Variants in POU2AF2 observed in about 807,000 individuals in gnomAD.
POU2AF2 encodes POU class 2 homeobox associating factor 2, also known as POU domain class 2-associating factor 2.
At chr11:111,261,400 C>T in the POU2AF2 span, among the ~76,000 whole-genome samples, 1 of 152,038 alleles carries the variant, frequency 6.6e-6, no homozygotes, top group Admixed American at 6.6e-5. Flanking sequence ...ATTCAATAAC[C>T]TCTTTATTAT....
At chr11:111,273,727 A>G in the POU2AF2 span, among the ~76,000 whole-genome samples, 1 of 152,236 alleles carries the variant, frequency 6.6e-6, no homozygotes, top group East Asian at 1.9e-4. Flanking sequence ...ATGACTATAA[A>G]TGTACTCAAG....
chr11:111,253,193 A>T, the POU2AF2 span, among the ~76,000 whole-genome samples: 1 of 152,126 alleles, frequency 6.6e-6, no homozygotes, highest in Non-Finnish European at 1.5e-5. Context: ...ACTGTTCCCC[A>T]GGCTTCCATC....
the POU2AF2 span, among the ~76,000 whole-genome samples, chr11:111,269,616 C>T: frequency 6.6e-6 from 1 of 152,108 alleles, no homozygotes; most frequent in Non-Finnish European, 1.5e-5. Context: ...ACAGCCGTGG[C>T]AAGTCCATCT....
the POU2AF2 span, among the ~76,000 whole-genome samples, chr11:111,252,957 A>G: frequency 6.6e-6 from 1 of 152,160 alleles, no homozygotes; most frequent in African/African-American, 2.4e-5. Context: ...TATTCTTGGT[A>G]AGCTCAATGC....
the POU2AF2 span, among the ~76,000 whole-genome samples, chr11:111,255,812 C>T: frequency 6.6e-6 from 1 of 152,102 alleles, no homozygotes; most frequent in Admixed American, 6.6e-5. Flanking sequence ...TATCAAAGAT[C>T]AGGAGACACG....
chr11:111,268,496 TATTTTA>T, the POU2AF2 span, among the ~76,000 whole-genome samples: 1 of 61,980 alleles, frequency 1.6e-5, no homozygotes, highest in South Asian at 8.6e-4. Context: ...TATTTTATTT[TATTTTA>T]TTTTATTTTA....
the POU2AF2 span, among the ~76,000 whole-genome samples, chr11:111,267,151 G>C: frequency 2.6e-5 from 4 of 152,192 alleles, no homozygotes; most frequent in Admixed American, 2.6e-4. Context: ...CATCTTAGAA[G>C]ACACTGGACC....
At chr11:111,280,109 C>T in the POU2AF2 span, among the ~76,000 whole-genome samples, 1 of 146,304 alleles carries the variant, frequency 6.8e-6, no homozygotes, top group South Asian at 2.2e-4. Flanking sequence ...TAATGCAACC[C>T]ACCACATTCC....
At chr11:111,266,638 T>C in the POU2AF2 span, among the ~76,000 whole-genome samples, 1 of 152,198 alleles carries the variant, frequency 6.6e-6, no homozygotes, top group Non-Finnish European at 1.5e-5. Context: ...CTGGGATAAA[T>C]AGTAATGAAT....
chr11:111,250,932 C>T, the POU2AF2 span, among the ~76,000 whole-genome samples: 1 of 152,088 alleles, frequency 6.6e-6, no homozygotes, highest in Non-Finnish European at 1.5e-5. Context: ...GAGATGAAAC[C>T]CTGTTTCAGG....
chr11:111,246,207 G>A, the POU2AF2 span, among the ~76,000 whole-genome samples: 31 of 152,170 alleles, frequency 2.0e-4, 1 homozygote, highest in South Asian at 6.4e-3. Flanking sequence ...TTTTATTTTA[G>A]CAAATTTCAG....
chr11:111,272,663 C>T, the POU2AF2 span, among the ~76,000 whole-genome samples: 1 of 152,168 alleles, frequency 6.6e-6, no homozygotes, highest in African/African-American at 2.4e-5. Flanking sequence ...TATATTTATG[C>T]ACCTGTTTTT....
the POU2AF2 span, among the ~76,000 whole-genome samples, chr11:111,269,999 A>G: frequency 6.6e-6 from 1 of 152,220 alleles, no homozygotes; most frequent in Admixed American, 6.5e-5. Flanking sequence ...CCTAAAGTCT[A>G]TTTATTAATT....
chr11:111,245,846 C>T, the POU2AF2 span: 1 of 398,948 alleles, frequency 2.5e-6, no homozygotes, highest in Non-Finnish European at 4.4e-6. Flanking sequence ...CCACCAGAAA[C>T]ATCCAGAATG....
chr11:111,268,478 TTTTATTTTATTTTA>T, the POU2AF2 span, among the ~76,000 whole-genome samples: 1 of 21,952 alleles, frequency 4.6e-5, no homozygotes, highest in African/African-American at 2.0e-4. Context: ...ATTTTTCTTT[TTTTATTTTATTTTA>T]TTTTATTTTA....
chr11:111,284,146 T>A, the POU2AF2 span: 1 of 1,614,058 alleles, frequency 6.2e-7, no homozygotes, highest in East Asian at 2.2e-5. Flanking sequence ...TCCACAACAG[T>A]AAACAGTTTT....
chr11:111,248,108 G>A, the POU2AF2 span, among the ~76,000 whole-genome samples: 1 of 151,854 alleles, frequency 6.6e-6, no homozygotes, highest in Non-Finnish European at 1.5e-5. Context: ...GGATGGTCTC[G>A]ATCTCCTGAC....
At chr11:111,272,582 G>C in the POU2AF2 span, among the ~76,000 whole-genome samples, 1 of 152,142 alleles carries the variant, frequency 6.6e-6, no homozygotes, top group Non-Finnish European at 1.5e-5. Context: ...AGAGTCTGGC[G>C]GGAAGTGGCA....
At chr11:111,267,448 C>T in the POU2AF2 span, among the ~76,000 whole-genome samples, 1 of 152,198 alleles carries the variant, frequency 6.6e-6, no homozygotes, top group Non-Finnish European at 1.5e-5. Flanking sequence ...CTGGGGCCTA[C>T]TCACATGACC....
Sources: gnomAD v4.1 joint callset for allele counts (sites outside exome capture counted in the v4.1 genomes callset) on GRCh38, gnomAD v4.1.1 for gene constraint, MANE v1.5 for transcripts, NCBI Gene and HGNC (gene_info 2026-07-23, HGNC 2026-07-21) for gene names.